The following PRKAR1B variants were observed in gnomAD, a reference collection of about 807,000 sequenced individuals.
PRKAR1B encodes the protein protein kinase cAMP-dependent type I regulatory subunit beta, also known as cAMP-dependent protein kinase type I-beta regulatory subunit.
A neutral mutation model predicts 46.5 loss-of-function variants in PRKAR1B; 22 were observed. The ratio of observed to expected loss-of-function variants is 0.47; its 90% CI spans 0.34 to 0.68. PRKAR1B has a LOEUF of 0.68. Among genes scored for constraint, PRKAR1B ranks in the 30% least tolerant of loss-of-function variants. The pLI, the probability that PRKAR1B is intolerant of heterozygous loss-of-function variation, is 0.01. For missense variants in PRKAR1B, 445 were observed against 535.6 expected (o/e 0.83, Z 1.67); for synonymous variants, 259 against 217.7 (o/e 1.19, Z -1.67).
At chr7:694,050 C>T (rs146577276) in intron 2 of PRKAR1B, among the ~76,000 whole-genome samples, 6,778 of 152,184 alleles carry the variant, frequency 0.045, 356 homozygotes, top group African/African-American at 0.12. Context: ...TTTGGGAGGC[C>T]GAGGTGGGCA....
At chr7:566,660 A>C in intron 9 of PRKAR1B, among the ~76,000 whole-genome samples, 1 of 133,046 alleles carries the variant, frequency 7.5e-6, no homozygotes, top group African/African-American at 2.9e-5. Flanking sequence ...CACCATCATC[A>C]CCATCACCTT....
Position 686,250 on chromosome 7 carries a change from G to A in PRKAR1B, c.178-5524C>T, listed in dbSNP as rs995313780. Among the ~76,000 whole-genome samples, 6 of 151,528 alleles carry A rather than the reference G, an allele frequency of 4.0e-5. No individual in the cohort carries two copies. The South Asian group carries it at 6.3e-4, about 16-fold the overall frequency. Reference sequence around the variant, plus strand: ...TGGGAGGTGGAGCTTGCAGTGAGCCGAAATCGTACCACTGCACTCCAGCCT... The same window carrying A: ...TGGGAGGTGGAGCTTGCAGTGAGCCAAAATCGTACCACTGCACTCCAGCCT... On this transcript the variant is annotated intron_variant, in intron 2 of 10. Transcript: ENST00000537384.
At chr7:691,913 G>A (rs1421002322) in intron 2 of PRKAR1B, 19 of 1,054,998 alleles carry the variant, frequency 1.8e-5, no homozygotes, top group Middle Eastern at 4.4e-4. Context: ...CTGGAGCTGC[G>A]AGTCCCTTGC....
intron 9 of PRKAR1B, among the ~76,000 whole-genome samples, chr7:567,857 T>C (rs1779272659): frequency 6.6e-6 from 1 of 152,116 alleles, no homozygotes; most frequent in Non-Finnish European, 1.5e-5. Context: ...AGGGTGGTTC[T>C]ACTTTCTAGA....
At chr7:601,116 G>A (rs1231378897) in intron 6 of PRKAR1B, among the ~76,000 whole-genome samples, 2 of 152,224 alleles carry the variant, frequency 1.3e-5, no homozygotes, top group Non-Finnish European at 2.9e-5. Flanking sequence ...CCAGGTCCTT[G>A]AGGGGACGGC....
intron 4 of PRKAR1B, among the ~76,000 whole-genome samples, chr7:630,478 TG>T (rs1783673281): frequency 6.6e-6 from 1 of 152,126 alleles, no homozygotes; most frequent in African/African-American, 2.4e-5. Context: ...ACCCAGGGGG[TG>T]GCCTATCCCA....
At position 560,774 on chromosome 7, in the gene PRKAR1B, G is replaced by A. The variant is rs1262443549; in HGVS notation, c.892-9304C>T. Among the ~76,000 whole-genome samples, 1 of 152,228 alleles carries A rather than the reference G, an allele frequency of 6.6e-6. No homozygotes were observed. The highest frequency in any genetic ancestry group is 1.5e-5 in the Non-Finnish European group (1 of 68,046). ...TGAGGCCAGATTACCCCAGCTCCAG[G>A]AGTTCCAGCACGTCAAACGGGACAG... On this transcript the variant is annotated intron_variant, in intron 9 of 10. Coordinates refer to ENST00000537384, the MANE Select transcript of PRKAR1B (RefSeq NM_001164760.2). The surrounding 1 kb of genome is among the most constrained non-coding windows in gnomAD (Gnocchi z 4.2).
intron 9 of PRKAR1B, among the ~76,000 whole-genome samples, chr7:569,096 C>G (rs1448223873): frequency 6.6e-6 from 1 of 150,562 alleles, no homozygotes; most frequent in Non-Finnish European, 1.5e-5. Context: ...GAGAAAATAT[C>G]AAGGCAAAGG....
rs2128511279 is a variant in PRKAR1B, at chr7:685,377, T to TATGC, written c.178-4652_178-4651insGCAT. ...ACATATATATATACACATATATATA[T>TATGC]ATACATACATATATATATATATATG... On this transcript the variant is annotated intron_variant, in intron 2 of 10. Coordinates refer to ENST00000537384, the MANE Select transcript of PRKAR1B (RefSeq NM_001164760.2). 1.2e-4 allele frequency among the ~76,000 whole-genome samples: 2 copies of TATGC among 16,608 alleles called. 1 individual carries two copies. The highest frequency in any genetic ancestry group is 1.8e-4 in the Non-Finnish European group (2 of 10,876). The allele number at this position is 16,608 out of a possible 152,430, so 10.9% of individuals were successfully genotyped here. A position where few individuals can be genotyped will look rare whatever the true frequency, so the allele number is the denominator to read the frequency against.
At chr7:606,997 G>A (rs1782122561) in intron 5 of PRKAR1B, among the ~76,000 whole-genome samples, 1 of 152,020 alleles carries the variant, frequency 6.6e-6, no homozygotes, top group South Asian at 2.1e-4. Flanking sequence ...GTATGTACAA[G>A]TCTATATATA....
rs1457866830 is a variant in PRKAR1B, at chr7:550,347, C to T, written c.*83G>A. 1 of 1,359,022 alleles carries T rather than the reference C, an allele frequency of 7.4e-7. No homozygotes were observed. Among genetic ancestry groups the T allele is most frequent in the East Asian group, 2.5e-5 (1 of 39,848 alleles). 84.2% of individuals were successfully genotyped at this position (1,359,022 alleles called of 1,614,324 possible). A position where few individuals can be genotyped will look rare whatever the true frequency, so the allele number is the denominator to read the frequency against. ...AGCCCCACCCGGCCCACACCTCACA[C>T]AGCGGCTCCCGGGCCCCCGACACAG... On this transcript the variant is annotated 3_prime_UTR_variant, in exon 11 of 11. Transcript: ENST00000537384.
chr7:596,915 G>C (rs1400517544), intron 6 of PRKAR1B, among the ~76,000 whole-genome samples: 1 of 152,286 alleles, frequency 6.6e-6, no homozygotes, highest in Non-Finnish European at 1.5e-5. Flanking sequence ...GCTGGAGTCT[G>C]AATGGGCGCC....
chr7:682,933 C>T (rs368126091), intron 2 of PRKAR1B, among the ~76,000 whole-genome samples: 1 of 152,146 alleles, frequency 6.6e-6, no homozygotes, highest in Non-Finnish European at 1.5e-5. Context: ...AAGGCCCTCG[C>T]TCTCCCTCCC....
chr7:603,704 G>T (rs571376309), intron 6 of PRKAR1B, among the ~76,000 whole-genome samples: 1 of 145,572 alleles, frequency 6.9e-6, no homozygotes, highest in South Asian at 2.3e-4. Flanking sequence ...AGAGTGGAGG[G>T]GATGGGGGAG....
chr7:551,047 C>G (rs1485616770), intron 10 of PRKAR1B, among the ~76,000 whole-genome samples: 1 of 151,976 alleles, frequency 6.6e-6, no homozygotes, highest in East Asian at 1.9e-4. Flanking sequence ...AGGCCTGGGC[C>G]TCCCTCAAGC....
In PRKAR1B at chr7:550,547, C is replaced by A. The variant is rs375580300; in HGVS notation, c.1029G>T (p.Gly343=). The A allele has an allele frequency of 3.3e-5, 53 of 1,603,240 alleles. No individual in the cohort carries two copies. The African/African-American group carries it at 6.3e-4, about 19-fold the overall frequency. ...RPRAATVVAR[G]PLKCVKLDRP... ...GGTCCAGCTTCACACACTTGAGGGG[C>A]CCCCGGGCCACGACAGTGGCCGCCC... Residue 343 remains glycine (G), a synonymous_variant, in exon 11 of 11, where the codon GGG becomes GGT. Coordinates refer to ENST00000537384, the MANE Select transcript of PRKAR1B (RefSeq NM_001164760.2).
At chr7:622,250 C>G (rs139067696) in intron 4 of PRKAR1B, among the ~76,000 whole-genome samples, 1 of 152,204 alleles carries the variant, frequency 6.6e-6, no homozygotes, top group African/African-American at 2.4e-5. Flanking sequence ...ACCTCAGACC[C>G]GAGCACCAGG....
chr7:603,468 C>T (rs1179662203), intron 6 of PRKAR1B, among the ~76,000 whole-genome samples: 1 of 152,154 alleles, frequency 6.6e-6, no homozygotes, highest in Non-Finnish European at 1.5e-5. Context: ...GTCCCTCTCC[C>T]CCATTAAGCC....
chr7:653,871 C>T (rs1785042482), intron 4 of PRKAR1B, among the ~76,000 whole-genome samples: 1 of 151,868 alleles, frequency 6.6e-6, no homozygotes, highest in African/African-American at 2.4e-5. Context: ...ACCAACATCA[C>T]CATCATCACC....
Sources: allele counts gnomAD v4.1 joint callset (sites outside exome capture counted in the v4.1 genomes callset), GRCh38; gene constraint gnomAD v4.1.1; non-coding constraint Gnocchi (gnomAD v3.1); transcripts MANE v1.5; gene names NCBI Gene and HGNC (gene_info 2026-07-23, HGNC 2026-07-21).